The following NTN1 variants were observed in gnomAD, a reference collection of about 807,000 sequenced individuals.
NTN1 encodes the protein netrin 1.
A neutral mutation model predicts 54.2 loss-of-function variants in NTN1; 11 were observed. That is an observed-to-expected ratio of 0.20 (90% CI 0.13 to 0.34). The LOEUF is 0.34. Ranked by LOEUF, NTN1 falls within the 10% of genes least tolerant of loss-of-function variation. The pLI, the probability that NTN1 is intolerant of heterozygous loss-of-function variation, is 1.00. For synonymous variants in NTN1, 371 were observed against 382.0 expected (o/e 0.97, Z 0.33); for missense variants, 740 against 893.1 (o/e 0.83, Z 2.18).
intron 5 of NTN1, among the ~76,000 whole-genome samples, chr17:9,196,345 C>T (rs1397155938): frequency 1.3e-5 from 2 of 152,216 alleles, no homozygotes; most frequent in African/African-American, 4.8e-5. Context: ...GGCAGCCTTG[C>T]TCTTGTGGAC....
At chr17:9,217,303 A>C (rs1905236673) in intron 5 of NTN1, among the ~76,000 whole-genome samples, 1 of 152,130 alleles carries the variant, frequency 6.6e-6, no homozygotes, top group Admixed American at 6.5e-5. Flanking sequence ...ATCTGCCTTT[A>C]ATTACTAGAG....
intron 2 of NTN1, among the ~76,000 whole-genome samples, chr17:9,060,467 G>C (rs72809965): frequency 0.12 from 17,811 of 152,114 alleles, 1,389 homozygotes; most frequent in Non-Finnish European, 0.16. Flanking sequence ...TTATACGCGG[G>C]TTTTTTACTG....
At chr17:9,015,075 T>C in the NTN1 span, among the ~76,000 whole-genome samples, 5 of 152,246 alleles carry the variant, frequency 3.3e-5, no homozygotes, top group Admixed American at 6.5e-5. Flanking sequence ...GCTTAGTAGA[T>C]GCTTGGCACA....
intron 6 of NTN1, among the ~76,000 whole-genome samples, chr17:9,232,044 G>A (rs1189314801): frequency 1.3e-5 from 2 of 152,148 alleles, no homozygotes; most frequent in African/African-American, 2.4e-5. Flanking sequence ...CACTGGGGCT[G>A]AGCCAGAGGT....
rs1006805566 is a variant in NTN1, at chr17:9,193,971, C to T, written c.1411+11002C>T. On this transcript the variant is annotated intron_variant, in intron 5 of 6. Coordinates refer to ENST00000173229, the MANE Select transcript of NTN1 (RefSeq NM_004822.3). Reference sequence around the variant, plus strand: ...ATTATGCAGGTTGGGCGCAGAGGCTCACGCCTGTAATCCCAGCACTTTGGG... The same window carrying T: ...ATTATGCAGGTTGGGCGCAGAGGCTTACGCCTGTAATCCCAGCACTTTGGG... 5.0e-5 allele frequency among the ~76,000 whole-genome samples: 7 copies of T among 138,932 alleles called. No homozygotes were observed. The Middle Eastern group carries it at 0.015, about 289-fold the overall frequency. 91.1% of individuals were successfully genotyped at this position (138,932 alleles called of 152,430 possible).
At chr17:9,068,932 A>G (rs1261808866) in intron 2 of NTN1, among the ~76,000 whole-genome samples, 2 of 152,084 alleles carry the variant, frequency 1.3e-5, no homozygotes, top group Non-Finnish European at 1.5e-5. Flanking sequence ...TGGTGTCCAC[A>G]CCATATGGCG....
intron 2 of NTN1, among the ~76,000 whole-genome samples, chr17:9,136,915 C>T (rs1490622675): frequency 2.0e-5 from 3 of 152,176 alleles, no homozygotes; most frequent in Non-Finnish European, 4.4e-5. Flanking sequence ...GAGGGAAGGC[C>T]TTGACAGTCA....
At chr17:9,070,340 C>T (rs1399600721) in intron 2 of NTN1, among the ~76,000 whole-genome samples, 2 of 152,140 alleles carry the variant, frequency 1.3e-5, no homozygotes, top group African/African-American at 4.8e-5. Flanking sequence ...GTTAGGACAA[C>T]TCAGAAAATG....
chr17:9,234,677 C>A (rs138895878), intron 6 of NTN1, among the ~76,000 whole-genome samples: 3 of 152,192 alleles, frequency 2.0e-5, no homozygotes, highest in African/African-American at 7.2e-5. Context: ...CGCTCACTTG[C>A]AGCAGTCAGC....
chr17:9,013,216 C>CTTTTTTTTTTTTTTTTTTTTTTTTTTT, the NTN1 span, among the ~76,000 whole-genome samples: 1 of 118,726 alleles, frequency 8.4e-6, no homozygotes, highest in African/African-American at 3.2e-5. Context: ...TTTTCTTTTT[C>CTTTTTTTTTTTTTTTTTTTTTTTTTTT]TTTTTTTTTT....
At chr17:9,183,036 T>C (rs2092423516) in intron 5 of NTN1, 67 bp downstream of exon 5, 2 of 1,494,536 alleles carry the variant, frequency 1.3e-6, no homozygotes, top group Non-Finnish European at 1.9e-6. Context: ...GGTGGGTTAA[T>C]GGGGAAGGGG....
chr17:9,152,201 G>A (rs1054610425), intron 2 of NTN1, among the ~76,000 whole-genome samples: 2 of 152,160 alleles, frequency 1.3e-5, no homozygotes, highest in Admixed American at 6.5e-5. Context: ...CAAGGTCCAC[G>A]GCTTCATTCT....
intron 2 of NTN1, among the ~76,000 whole-genome samples, chr17:9,073,842 G>A (rs1199134271): frequency 6.6e-6 from 1 of 152,246 alleles, no homozygotes; most frequent in Admixed American, 6.5e-5. Context: ...TGGGCAGCCT[G>A]TTGGGGATTC....
At chr17:9,225,871 G>A (rs1905521757) in intron 6 of NTN1, among the ~76,000 whole-genome samples, 1 of 152,236 alleles carries the variant, frequency 6.6e-6, no homozygotes, top group Non-Finnish European at 1.5e-5. Context: ...GGGGTTTGCT[G>A]CCCCTGCTGG....
At chr17:9,043,000 G>A (rs1376728092) in intron 2 of NTN1, among the ~76,000 whole-genome samples, 1 of 152,066 alleles carries the variant, frequency 6.6e-6, no homozygotes, top group Non-Finnish European at 1.5e-5. Context: ...GTAGTTATTT[G>A]ACAACCATTT....
At chr17:9,040,758 C>T (rs1166688249) in intron 2 of NTN1, among the ~76,000 whole-genome samples, 1 of 151,720 alleles carries the variant, frequency 6.6e-6, no homozygotes, top group South Asian at 2.1e-4. Flanking sequence ...AATGGAGAGA[C>T]CTCTATTCCT....
chr17:9,221,581 A>G lies in NTN1; in HGVS notation c.1486+339A>G, dbSNP rs939178042. On this transcript the variant is annotated intron_variant, in intron 6 of 6. Coordinates refer to ENST00000173229, the MANE Select transcript of NTN1 (RefSeq NM_004822.3). The surrounding 1 kb of genome is among the most constrained non-coding windows in gnomAD (Gnocchi z 4.5). ...CTGTGGTCTTCTGTGTCTGCATCAT[A>G]CTGCGGGGATTTGACCCGAGTCCAC... is the stretch of plus-strand genomic sequence containing the variant. Among the ~76,000 whole-genome samples the G allele has an allele frequency of 1.3e-5, 2 of 152,146 alleles. No homozygotes were observed. Among genetic ancestry groups the G allele is most frequent in the African/African-American group, 4.8e-5 (2 of 41,418 alleles).
At chr17:9,012,315 CA>C in the NTN1 span, among the ~76,000 whole-genome samples, 1 of 152,018 alleles carries the variant, frequency 6.6e-6, no homozygotes, top group Non-Finnish European at 1.5e-5. Flanking sequence ...AGTTCGAGAC[CA>C]GCCTGGCCAA....
intron 4 of NTN1, 37 bp from the exon 5 acceptor site, chr17:9,182,878 TC>T: frequency 6.2e-7 from 1 of 1,608,708 alleles, no homozygotes; most frequent in Non-Finnish European, 8.5e-7. Context: ...TACCTTGTTT[TC>T]TCTCCTCCCC....
Sources: allele counts gnomAD v4.1 joint callset (sites outside exome capture counted in the v4.1 genomes callset), GRCh38; gene constraint gnomAD v4.1.1; non-coding constraint Gnocchi (gnomAD v3.1); transcripts MANE v1.5; gene names NCBI Gene and HGNC (gene_info 2026-07-23, HGNC 2026-07-21).